Variants in CYP19A1 observed in about 807,000 individuals in gnomAD.
CYP19A1 encodes aromatase.
In CYP19A1, 32 loss-of-function variants were observed where a neutral mutation model predicts 44.4. The observed-to-expected ratio is 0.72, with a 90% CI of 0.54 to 0.97. The LOEUF (loss-of-function observed/expected upper bound fraction) is 0.97. Among genes scored for constraint, CYP19A1 ranks in the 50% least tolerant of loss-of-function variants. The pLI, the probability that CYP19A1 is intolerant of heterozygous loss-of-function variation, is 0.00. For synonymous variants in CYP19A1, 212 were observed against 215.6 expected, an observed-to-expected ratio of 0.98 and a Z score of 0.14; for missense variants, 598 against 637.8, an observed-to-expected ratio of 0.94 and a Z score of 0.67.
intron 1 of CYP19A1, among the ~76,000 whole-genome samples, chr15:51,335,561 A>G (rs546801060): frequency 6.6e-6 from 1 of 152,298 alleles, no homozygotes; most frequent in South Asian, 2.1e-4. Flanking sequence ...ACCTTTTTAC[A>G]TACAGATGAA....
chr15:51,283,225 A>G (rs1313544489), intron 1 of CYP19A1, among the ~76,000 whole-genome samples: 1 of 152,190 alleles, frequency 6.6e-6, no homozygotes, highest in Non-Finnish European at 1.5e-5. Flanking sequence ...AGGGAAACTG[A>G]AAGAAGTATG....
intron 3 of CYP19A1, among the ~76,000 whole-genome samples, chr15:51,230,474 C>A (rs1487619198): frequency 6.6e-6 from 1 of 152,142 alleles, no homozygotes; most frequent in African/African-American, 2.4e-5. Flanking sequence ...AACCTATTGT[C>A]TGTTCAAAAT....
intron 1 of CYP19A1, among the ~76,000 whole-genome samples, chr15:51,333,849 A>G (rs2036738154): frequency 1.3e-5 from 2 of 152,128 alleles, no homozygotes; most frequent in Admixed American, 1.3e-4. Context: ...AGGCATATCT[A>G]TTCTAGCTTG....
intron 1 of CYP19A1, chr15:51,313,124 A>G (rs2141013953): frequency 6.6e-6 from 1 of 152,392 alleles, no homozygotes; most frequent in South Asian, 2.1e-4. Flanking sequence ...ATTTGCAAGA[A>G]AAAATACAAA....
intron 1 of CYP19A1, among the ~76,000 whole-genome samples, chr15:51,328,564 G>C (rs2141028608): frequency 6.6e-6 from 1 of 152,110 alleles, no homozygotes; most frequent in African/African-American, 2.4e-5. Context: ...GTGTGTGTGT[G>C]TGTGTGTGTG....
intron 1 of CYP19A1, among the ~76,000 whole-genome samples, chr15:51,337,042 T>C (rs2036788121): frequency 6.6e-6 from 1 of 152,190 alleles, no homozygotes; most frequent in African/African-American, 2.4e-5. Flanking sequence ...AAAGGCTCCA[T>C]ATAACCAACC....
At chr15:51,226,046 G>T (rs2141073180) in intron 4 of CYP19A1, among the ~76,000 whole-genome samples, 1 of 149,216 alleles carries the variant, frequency 6.7e-6, no homozygotes, top group South Asian at 2.2e-4. Context: ...CCAAGATGGG[G>T]CCACTGCACT....
At chr15:51,237,505 T>C (rs1004381303) in intron 2 of CYP19A1, among the ~76,000 whole-genome samples, 1 of 151,990 alleles carries the variant, frequency 6.6e-6, no homozygotes, top group Non-Finnish European at 1.5e-5. Flanking sequence ...ATCTTTCAAC[T>C]GAAAGAAACA....
intron 1 of CYP19A1, among the ~76,000 whole-genome samples, chr15:51,265,391 T>C (rs1179092088): frequency 6.6e-6 from 1 of 152,140 alleles, no homozygotes; most frequent in Non-Finnish European, 1.5e-5. Flanking sequence ...AAAATCCAGA[T>C]CCCATAAAAG....
chr15:51,330,706 A>C (rs1411231739), intron 1 of CYP19A1, among the ~76,000 whole-genome samples: 1 of 152,184 alleles, frequency 6.6e-6, no homozygotes, highest in African/African-American at 2.4e-5. Context: ...GTTGAAGAAC[A>C]GTTCAAGGAG....
At chr15:51,334,848 G>T (rs547645308) in intron 1 of CYP19A1, among the ~76,000 whole-genome samples, 1 of 152,282 alleles carries the variant, frequency 6.6e-6, no homozygotes, top group African/African-American at 2.4e-5. Flanking sequence ...GAGCCACCTG[G>T]CCCCAGGTCA....
rs764388977 is a variant in CYP19A1 at position 51,210,784 on chromosome 15, A to G, written c.*24T>C. The G allele has an allele frequency of 1.4e-6, 2 of 1,433,326 alleles. No homozygotes were observed. The highest frequency in any genetic ancestry group is 1.7e-5 in the Admixed American group (1 of 59,832). 88.8% of individuals were successfully genotyped at this position (1,433,326 alleles called of 1,614,324 possible). On this transcript the variant is annotated 3_prime_UTR_variant, in exon 10 of 10. Transcript: ENST00000396402. ...GTGAACTACTGATGAGAAATGCTCC[A>G]GAGTGGGTACTGACCAGCCTTCTCT...
rs1419699228 is a variant in CYP19A1 at position 51,294,322 on chromosome 15, G to A, written c.-39+44173C>T. 4.1e-5 allele frequency among the ~76,000 whole-genome samples: 6 copies of A among 147,178 alleles called. No homozygotes were observed. In the East Asian group the frequency reaches 6.3e-4, roughly 15 times the overall value. The stretch of plus-strand genomic sequence containing the variant: ...GAGATGTGGGGAGCGCCTCTGCCCC[G>A]CCGCCCCGTCTGGGATGTGAGGAGC... On this transcript the variant is annotated intron_variant, in intron 1 of 9. Coordinates refer to ENST00000396402, the MANE Select transcript of CYP19A1 (RefSeq NM_000103.4).
intron 1 of CYP19A1, among the ~76,000 whole-genome samples, chr15:51,261,833 G>T (rs2034734035): frequency 6.6e-6 from 1 of 152,086 alleles, no homozygotes; most frequent in Admixed American, 6.5e-5. Flanking sequence ...CATTGGAGAG[G>T]CCGATGGGTG....
At chr15:51,212,178 G>A in intron 9 of CYP19A1, 142 bp downstream of exon 9, 1 of 753,496 alleles carries the variant, frequency 1.3e-6, no homozygotes, top group African/African-American at 1.7e-5. Context: ...CAAGCTAGGG[G>A]ACGTGTGTGC....
At chr15:51,305,440 A>C (rs1023758751) in intron 1 of CYP19A1, among the ~76,000 whole-genome samples, 2 of 152,190 alleles carry the variant, frequency 1.3e-5, no homozygotes, top group Non-Finnish European at 2.9e-5. Flanking sequence ...TGCCACAGAG[A>C]CAGGGATGTG....
At chr15:51,235,859 G>T (rs544019655) in intron 3 of CYP19A1, among the ~76,000 whole-genome samples, 1 of 152,186 alleles carries the variant, frequency 6.6e-6, no homozygotes. Context: ...TGGGTAAAGC[G>T]CTATCAGGGA....
rs77009545 is a variant in CYP19A1 at position 51,298,004 on chromosome 15, G to A, written c.-39+40491C>T. Among the ~76,000 whole-genome samples the A allele has an allele frequency of 7.9e-5, 12 of 152,254 alleles. No individual in the cohort carries two copies. In the East Asian group the frequency reaches 2.1e-3, roughly 27 times the overall value. On this transcript the variant is annotated intron_variant, in intron 1 of 9. Transcript: ENST00000396402. The stretch of plus-strand genomic sequence containing the variant: ...TGTAGGAAGGCTTCACAGAGAAGAC[G>A]TTGGAGCTGGGTGTTGAAGCAGGAG...
chr15:51,284,401 CAG>C (rs1209739765), intron 1 of CYP19A1, among the ~76,000 whole-genome samples: 1 of 152,194 alleles, frequency 6.6e-6, no homozygotes, highest in African/African-American at 2.4e-5. Context: ...GGAACCGCCT[CAG>C]AGGTTTTTCA....
Sources: allele counts gnomAD v4.1 joint callset (sites outside exome capture counted in the v4.1 genomes callset), GRCh38; gene constraint gnomAD v4.1.1; transcripts MANE v1.5; gene names NCBI Gene and HGNC (gene_info 2026-07-23, HGNC 2026-07-21).